The following CALN1 variants were observed in gnomAD, a reference collection of about 807,000 sequenced individuals.
CALN1 encodes calcium-binding protein 8.
CALN1 carries 17 observed loss-of-function variants against 30.6 expected under a neutral mutation model. The observed-to-expected ratio is 0.56, with a 90% CI of 0.38 to 0.83. The LOEUF (loss-of-function observed/expected upper bound fraction) is 0.83. CALN1 is among the 40% of genes least tolerant of loss of function. The pLI, the probability that CALN1 is intolerant of heterozygous loss-of-function variation, is 0.00. For synonymous variants in CALN1, 156 were observed against 131.4 expected (o/e 1.19, Z -1.28); for missense variants, 291 against 354.9 (o/e 0.82, Z 1.45).
rs146418281 is a variant in CALN1 at position 72,361,933 on chromosome 7, CAT to C, written c.119+41316_119+41317del. On this transcript the variant is annotated intron_variant, in intron 2 of 6. Coordinates refer to ENST00000395275, the MANE Select transcript of CALN1 (RefSeq NM_031468.4). ...CCAAAGAGAAAAAAGATTTTAAGATCATATGACACATTTTTTTCTTACGCAGT... is the reference window on the plus strand; with the variant it reads ...CCAAAGAGAAAAAAGATTTTAAGATCATGACACATTTTTTTCTTACGCAGT... Among the ~76,000 whole-genome samples, 1,093 of 142,154 alleles carry C rather than the reference CAT, an allele frequency of 7.7e-3. 9 individuals carry two copies. The highest frequency in any genetic ancestry group is 0.013 in the Non-Finnish European group (773 of 61,020). 93.3% of individuals were successfully genotyped at this position (142,154 alleles called of 152,430 possible).
chr7:72,165,389 G>A (rs376171235), intron 3 of CALN1, among the ~76,000 whole-genome samples: 3 of 151,844 alleles, frequency 2.0e-5, no homozygotes, highest in Admixed American at 6.6e-5. Flanking sequence ...GTGAGACTGC[G>A]TTCCTACTAA....
At chr7:71,842,060 G>T (rs1360202536) in intron 5 of CALN1, among the ~76,000 whole-genome samples, 2 of 151,914 alleles carry the variant, frequency 1.3e-5, no homozygotes, top group African/African-American at 4.8e-5. Flanking sequence ...AAGGGTCCGT[G>T]CCAGTTTGTT....
At chr7:72,181,417 G>A (rs916417840) in intron 3 of CALN1, among the ~76,000 whole-genome samples, 3 of 151,466 alleles carry the variant, frequency 2.0e-5, no homozygotes, top group Non-Finnish European at 4.4e-5. Flanking sequence ...GTGGCCTCCA[G>A]TTCTTAGATA....
intron 4 of CALN1, among the ~76,000 whole-genome samples, chr7:72,079,613 G>A (rs938310065): frequency 2.6e-5 from 4 of 152,004 alleles, no homozygotes; most frequent in East Asian, 1.9e-4. Flanking sequence ...CTACTGTACA[G>A]GTCATTCCTA....
chr7:72,113,904 G>C (rs1261362514), intron 3 of CALN1, among the ~76,000 whole-genome samples: 1 of 152,100 alleles, frequency 6.6e-6, no homozygotes, highest in Non-Finnish European at 1.5e-5. Context: ...GGCTACAGCT[G>C]GAATGACAAG....
intron 5 of CALN1, among the ~76,000 whole-genome samples, chr7:71,826,033 A>T (rs1311903357): frequency 2.8e-5 from 1 of 35,344 alleles, no homozygotes; most frequent in Non-Finnish European, 5.0e-5. Context: ...ACTCTGTCTC[A>T]AAAAAAAAAA....
intron 2 of CALN1, among the ~76,000 whole-genome samples, chr7:72,366,072 T>A (rs940629243): frequency 6.6e-6 from 1 of 152,124 alleles, no homozygotes; most frequent in African/African-American, 2.4e-5. Flanking sequence ...TTATGAAAAA[T>A]GAGAAGTACA....
rs113549350 is a variant in CALN1, at chr7:72,277,149, C to T, written c.244+1537G>A. Among the ~76,000 whole-genome samples, 736 of 152,136 alleles carry T rather than the reference C, an allele frequency of 4.8e-3. 3 individuals carry two copies. Among genetic ancestry groups the T allele is most frequent in the African/African-American group, 0.017 (696 of 41,470 alleles). On this transcript the variant is annotated intron_variant, in intron 3 of 6. Transcript: ENST00000395275. The stretch of plus-strand genomic sequence containing the variant: ...TCTATGAATCAGAAAGTGGCCCTCC[C>T]CAGACATCAAATCTGCTGGCATCTT...
At chr7:72,235,176 A>C (rs1794392828) in intron 3 of CALN1, among the ~76,000 whole-genome samples, 1 of 152,120 alleles carries the variant, frequency 6.6e-6, no homozygotes, top group Non-Finnish European at 1.5e-5. Context: ...AGGGAGGCTG[A>C]GGTGGGAGGA....
At chr7:72,364,667 G>T (rs1803775340) in intron 2 of CALN1, among the ~76,000 whole-genome samples, 1 of 152,190 alleles carries the variant, frequency 6.6e-6, no homozygotes, top group Non-Finnish European at 1.5e-5. Flanking sequence ...TATTGATAAA[G>T]TGTATTTCAA....
At chr7:72,179,126 T>C (rs1034370133) in intron 3 of CALN1, among the ~76,000 whole-genome samples, 4 of 152,212 alleles carry the variant, frequency 2.6e-5, no homozygotes, top group South Asian at 2.1e-4. Context: ...GGGTGAAAAG[T>C]TGATCTAAAT....
At chr7:72,004,551 A>C (rs1799676228) in intron 5 of CALN1, among the ~76,000 whole-genome samples, 1 of 152,226 alleles carries the variant, frequency 6.6e-6, no homozygotes, top group African/African-American at 2.4e-5. Flanking sequence ...CATCAAAATT[A>C]AAAGCTTTTG....
chr7:72,405,257 T>C (rs552674835), intron 1 of CALN1, among the ~76,000 whole-genome samples: 1 of 152,336 alleles, frequency 6.6e-6, no homozygotes, highest in East Asian at 1.9e-4. Context: ...AACGCACCCA[T>C]GCAACAGTAC....
At chr7:72,209,321 CTTCCCTCT>C (rs1562740096) in intron 3 of CALN1, among the ~76,000 whole-genome samples, 351 of 33,202 alleles carry the variant, frequency 0.011, 3 homozygotes, top group Non-Finnish European at 0.014. Flanking sequence ...TCCTTCCCTC[CTTCCCTCT>C]TTCCTTCCCT....
At chr7:72,264,613 G>T (rs924686005) in intron 3 of CALN1, among the ~76,000 whole-genome samples, 1 of 151,882 alleles carries the variant, frequency 6.6e-6, no homozygotes, top group African/African-American at 2.4e-5. Flanking sequence ...CAATTCTCCA[G>T]CCTCAGCCTC....
At chr7:71,876,149 T>C (rs543378619) in intron 5 of CALN1, among the ~76,000 whole-genome samples, 1 of 152,232 alleles carries the variant, frequency 6.6e-6, no homozygotes, top group South Asian at 2.1e-4. Flanking sequence ...CCAAAAGTCA[T>C]GTTAGAATTT....
intron 2 of CALN1, among the ~76,000 whole-genome samples, chr7:72,325,566 A>G (rs2129557635): frequency 6.6e-6 from 1 of 152,286 alleles, no homozygotes; most frequent in Non-Finnish European, 1.5e-5. Context: ...ACACCATTGC[A>G]CTCCAGCCTG....
intron 3 of CALN1, among the ~76,000 whole-genome samples, chr7:72,164,367 AAG>A (rs1491047357): frequency 2.3e-5 from 2 of 88,574 alleles, no homozygotes; most frequent in African/African-American, 6.3e-5. Flanking sequence ...AAAAAAAAAA[AAG>A]AAGAAGAAGA....
intron 4 of CALN1, among the ~76,000 whole-genome samples, chr7:72,028,546 G>C (rs144196155): frequency 1.6e-3 from 245 of 152,318 alleles, no homozygotes; most frequent in Non-Finnish European, 3.2e-3. Context: ...GGATCCTATG[G>C]GCAGGGCCAA....
Sources: gnomAD v4.1 joint callset for allele counts (sites outside exome capture counted in the v4.1 genomes callset) on GRCh38, gnomAD v4.1.1 for gene constraint, MANE v1.5 for transcripts, NCBI Gene and HGNC (gene_info 2026-07-23, HGNC 2026-07-21) for gene names.